The following NALF1 variants were observed in gnomAD, a reference collection of about 807,000 sequenced individuals.
NALF1 encodes the protein NALCN channel auxiliary factor 1, also known as family with sequence similarity 155 member A.
A neutral mutation model predicts 48.4 loss-of-function variants in NALF1; 3 were observed. The observed-to-expected ratio is 0.06, with a 90% CI of 0.03 to 0.16. The LOEUF is 0.16. Among genes scored for constraint, NALF1 ranks in the 10% least tolerant of loss-of-function variants. NALF1 has a pLI of 1.00. For synonymous variants in NALF1, 262 were observed against 245.7 expected, an observed-to-expected ratio of 1.07 and a Z score of -0.62; for missense variants, 526 against 571.5, an observed-to-expected ratio of 0.92 and a Z score of 0.81.
intron 1 of NALF1, among the ~76,000 whole-genome samples, chr13:107,765,508 A>G (rs1190519838): frequency 6.6e-6 from 1 of 152,200 alleles, no homozygotes; most frequent in Non-Finnish European, 1.5e-5. Flanking sequence ...TCAGCACATA[A>G]TCTTGCAAGC....
intron 1 of NALF1, among the ~76,000 whole-genome samples, chr13:107,640,195 T>C (rs1880111475): frequency 6.6e-6 from 1 of 152,158 alleles, no homozygotes; most frequent in South Asian, 2.1e-4. Context: ...CTTTACACAG[T>C]GTTAAAGGTT....
intron 1 of NALF1, among the ~76,000 whole-genome samples, chr13:107,345,762 A>G (rs942910506): frequency 2.0e-5 from 3 of 152,216 alleles, no homozygotes; most frequent in African/African-American, 7.2e-5. Flanking sequence ...GAAAGCACAG[A>G]CAGCAAAATA....
At chr13:107,805,044 T>C (rs1878733279) in intron 1 of NALF1, among the ~76,000 whole-genome samples, 1 of 152,312 alleles carries the variant, frequency 6.6e-6, no homozygotes, top group Middle Eastern at 3.4e-3. Context: ...GGTCACTGAA[T>C]ATATGTCACT....
chr13:107,332,242 C>A (rs1300930359), intron 1 of NALF1, among the ~76,000 whole-genome samples: 11 of 152,162 alleles, frequency 7.2e-5, no homozygotes, highest in African/African-American at 4.8e-5. Context: ...CTTCTCACCC[C>A]ACTCAAATCA....
chr13:107,845,162 C>T (rs1880138159), intron 1 of NALF1, among the ~76,000 whole-genome samples: 1 of 152,064 alleles, frequency 6.6e-6, no homozygotes, highest in Non-Finnish European at 1.5e-5. Context: ...TTTTTAAATT[C>T]TTAATTTTGG....
intron 1 of NALF1, among the ~76,000 whole-genome samples, chr13:107,450,511 G>A (rs949332405): frequency 6.6e-6 from 1 of 152,158 alleles, no homozygotes; most frequent in Non-Finnish European, 1.5e-5. Context: ...ATGAAGCGCA[G>A]GAATAAGATG....
intron 1 of NALF1, among the ~76,000 whole-genome samples, chr13:107,543,844 C>T (rs1877063399): frequency 6.6e-6 from 1 of 151,826 alleles, no homozygotes; most frequent in African/African-American, 2.4e-5. Flanking sequence ...TCTAAAACCT[C>T]TAGAGTTCTC....
rs905366531 is a variant in NALF1, at chr13:107,393,469, A to T, written c.916-182714T>A. 5.9e-5 allele frequency among the ~76,000 whole-genome samples: 9 copies of T among 152,154 alleles called. 1 individual carries two copies. Among genetic ancestry groups the T allele is most frequent in the Non-Finnish European group, 4.4e-5 (3 of 68,020 alleles). ...TAAAGGTCTTTGCTCTGAGACACGA[A>T]CAAATTAACTTGCTATTTAACCTGA... On this transcript the variant is annotated intron_variant, in intron 1 of 2. Transcript: ENST00000375915.
chr13:107,208,577 T>C (rs1189489707), intron 2 of NALF1, among the ~76,000 whole-genome samples: 1 of 152,170 alleles, frequency 6.6e-6, no homozygotes, highest in Admixed American at 6.5e-5. Context: ...CTTTGAGAAC[T>C]TGGTTCAAAA....
chr13:107,849,067 A>T (rs1880245781), intron 1 of NALF1, among the ~76,000 whole-genome samples: 1 of 152,210 alleles, frequency 6.6e-6, no homozygotes, highest in South Asian at 2.1e-4. Context: ...ATTGCGTTCT[A>T]GAATTTTGGT....
At chr13:107,219,439 G>T (rs577339905) in intron 1 of NALF1, among the ~76,000 whole-genome samples, 237 of 152,268 alleles carry the variant, frequency 1.6e-3, no homozygotes, top group Non-Finnish European at 2.7e-3. Context: ...GTTGAAAAGG[G>T]TTTAAAAAGT....
At chr13:107,187,088 T>A (rs1335716345) in intron 2 of NALF1, among the ~76,000 whole-genome samples, 1 of 152,196 alleles carries the variant, frequency 6.6e-6, no homozygotes, top group African/African-American at 2.4e-5. Context: ...CTCTCTGATC[T>A]CTTCTTCTGT....
intron 1 of NALF1, among the ~76,000 whole-genome samples, chr13:107,420,364 T>G (rs1884164918): frequency 6.6e-6 from 1 of 152,186 alleles, no homozygotes; most frequent in South Asian, 2.1e-4. Flanking sequence ...TATTCCTTTC[T>G]AGAGGAAAAT....
chr13:107,508,370 CATT>C (rs1209329823), intron 1 of NALF1, among the ~76,000 whole-genome samples: 3 of 150,522 alleles, frequency 2.0e-5, no homozygotes, highest in East Asian at 1.9e-4. Context: ...ATATTAATGA[CATT>C]AATATAATGT....
At chr13:107,497,784 T>C (rs944927458) in intron 1 of NALF1, among the ~76,000 whole-genome samples, 6 of 152,200 alleles carry the variant, frequency 3.9e-5, no homozygotes, top group Admixed American at 3.9e-4. Context: ...TGTAACTTCA[T>C]ATGCTTACAG....
intron 1 of NALF1, among the ~76,000 whole-genome samples, chr13:107,448,053 T>C (rs531820782): frequency 1.3e-5 from 2 of 152,316 alleles, no homozygotes; most frequent in East Asian, 3.9e-4. Context: ...ACAGTTTCTG[T>C]AGACTTAAAT....
chr13:107,403,966 T>C (rs1263585022), intron 1 of NALF1, among the ~76,000 whole-genome samples: 1 of 152,148 alleles, frequency 6.6e-6, no homozygotes, highest in African/African-American at 2.4e-5. Flanking sequence ...AATTAATCAG[T>C]ATTAACAGAT....
intron 1 of NALF1, among the ~76,000 whole-genome samples, chr13:107,714,253 T>C (rs1875683683): frequency 6.6e-6 from 1 of 152,218 alleles, no homozygotes; most frequent in Non-Finnish European, 1.5e-5. Flanking sequence ...TGTATAATGC[T>C]TAGAATTCAC....
intron 1 of NALF1, among the ~76,000 whole-genome samples, chr13:107,681,915 C>A (rs757252393): frequency 6.6e-6 from 1 of 152,162 alleles, no homozygotes; most frequent in Non-Finnish European, 1.5e-5. Flanking sequence ...TACCCCTAAA[C>A]AAGCTTCCCA....
Sources: gnomAD v4.1 joint callset for allele counts (sites outside exome capture counted in the v4.1 genomes callset) on GRCh38, gnomAD v4.1.1 for gene constraint, MANE v1.5 for transcripts, NCBI Gene and HGNC (gene_info 2026-07-23, HGNC 2026-07-21) for gene names.